Variants in SEC11C observed in about 807,000 individuals in gnomAD.
The protein encoded by SEC11C is SEC11 homolog C, signal peptidase complex subunit.
SEC11C carries 10 observed loss-of-function variants against 21.9 expected under a neutral mutation model. The ratio of observed to expected loss-of-function variants is 0.46; its 90% CI spans 0.28 to 0.77. The LOEUF is 0.77. SEC11C is among the 30% of genes least tolerant of loss of function. The probability of loss-of-function intolerance (pLI) is 0.12; values close to 1 mark genes in which losing one functional copy is unlikely to be tolerated. For missense variants in SEC11C, 145 were observed against 244.5 expected (o/e 0.59, Z 2.71); for synonymous variants, 83 against 85.6 (o/e 0.97, Z 0.17).
intron 1 of SEC11C, 40 bp downstream of exon 1, chr18:59,140,075 G>A (rs375706408): frequency 2.2e-5 from 34 of 1,526,674 alleles, no homozygotes; most frequent in Non-Finnish European, 2.8e-5. Flanking sequence ...GGCCGGGACC[G>A]CCTGTGCTAG....
intron 1 of SEC11C, among the ~76,000 whole-genome samples, chr18:59,142,265 T>A (rs957269404): frequency 2.0e-5 from 3 of 152,216 alleles, no homozygotes; most frequent in African/African-American, 2.4e-5. Context: ...CAAAGGAAGT[T>A]TTTTTGAGGA....
chr18:59,148,529 G>C (rs990273699), intron 1 of SEC11C, among the ~76,000 whole-genome samples: 1 of 152,238 alleles, frequency 6.6e-6, no homozygotes, highest in Non-Finnish European at 1.5e-5. Flanking sequence ...GCAGTGGTCT[G>C]AGGTAGATCG....
intron 2 of SEC11C, among the ~76,000 whole-genome samples, chr18:59,150,050 T>C (rs1351456650): frequency 6.6e-6 from 1 of 152,218 alleles, no homozygotes; most frequent in Non-Finnish European, 1.5e-5. Context: ...TCAGTAATAC[T>C]CGTGTATTGA....
chr18:59,157,116 A>G (rs949182309), intron 4 of SEC11C: 1 of 153,248 alleles, frequency 6.5e-6, no homozygotes, highest in South Asian at 2.0e-4. Context: ...ATCATATTTG[A>G]GTATAAGTTA....
chr18:59,152,828 CT>C (rs1397953961), intron 3 of SEC11C, 143 bp downstream of exon 3: 7 of 626,284 alleles, frequency 1.1e-5, no homozygotes, highest in Non-Finnish European at 1.9e-5. Context: ...ATGCTTAACT[CT>C]TTCTGTAGGA....
intron 2 of SEC11C, among the ~76,000 whole-genome samples, chr18:59,150,432 T>C (rs1372643734): frequency 2.6e-5 from 4 of 152,252 alleles, no homozygotes; most frequent in Admixed American, 6.5e-5. Context: ...CCATGATCCA[T>C]GCCTCACCAG....
intron 2 of SEC11C, among the ~76,000 whole-genome samples, chr18:59,150,929 CAG>C (rs1491442879): frequency 6.6e-6 from 1 of 152,002 alleles, no homozygotes; most frequent in Non-Finnish European, 1.5e-5. Flanking sequence ...CACTTGCACA[CAG>C]AAGGTAGTGT....
intron 2 of SEC11C, 92 bp from the exon 3 acceptor site, chr18:59,152,444 A>T (rs1221292712): frequency 7.3e-7 from 1 of 1,376,566 alleles, no homozygotes; most frequent in Non-Finnish European, 9.7e-7. Context: ...CCTGAGACCT[A>T]CTTGACTATT....
chr18:59,143,777 C>G (rs1019819049), intron 1 of SEC11C, among the ~76,000 whole-genome samples: 1 of 152,160 alleles, frequency 6.6e-6, no homozygotes, highest in Non-Finnish European at 1.5e-5. Context: ...TTTCCTCCCC[C>G]AACCCAACCC....
intron 1 of SEC11C, among the ~76,000 whole-genome samples, chr18:59,145,021 A>G (rs2144027954): frequency 6.6e-6 from 1 of 152,330 alleles, no homozygotes; most frequent in South Asian, 2.1e-4. Flanking sequence ...GGATACAGCT[A>G]TGAGCAAGGC....
chr18:59,146,151 TATG>T lies in SEC11C; in HGVS notation c.88-3357_88-3355del, dbSNP rs1026746128. ...GCAGCCTGATGGGCCCCGTTGGTGA[TATG>T]ATGAGAGTGGCAGCAGTGGGAATAG... On this transcript the variant is annotated intron_variant, in intron 1 of 5. Coordinates refer to ENST00000587834, the MANE Select transcript of SEC11C (RefSeq NM_033280.4). 7.3e-4 allele frequency among the ~76,000 whole-genome samples: 111 copies of T among 152,156 alleles called. 1 individual carries two copies. Among genetic ancestry groups the T allele is most frequent in the African/African-American group, 2.5e-3 (105 of 41,512 alleles).
At chr18:59,150,885 G>C (rs2144036695) in intron 2 of SEC11C, among the ~76,000 whole-genome samples, 1 of 152,210 alleles carries the variant, frequency 6.6e-6, no homozygotes, top group East Asian at 1.9e-4. Flanking sequence ...CATTAGATCT[G>C]AGATTTCCTG....
intron 1 of SEC11C, among the ~76,000 whole-genome samples, chr18:59,143,391 G>A (rs898910857): frequency 2.0e-5 from 3 of 147,330 alleles, no homozygotes; most frequent in Non-Finnish European, 4.5e-5. Context: ...TAACTTTAAT[G>A]TTGAATTATA....
rs779120011 is a variant in SEC11C, at chr18:59,140,008, G to T, written c.60G>T (p.Gly20=). ...HLPASGLDIF[G]DLKKMNKRQL... is the part of the protein sequence containing the mutation. ...CCGCGTCCGGCTTGGATATCTTCGG[G>T]GACCTGAAGAAGATGAACAAGCGCC... Residue 20 remains glycine (G), a synonymous_variant, in exon 1 of 6, where the codon GGG becomes GGT. Coordinates refer to ENST00000587834, the MANE Select transcript of SEC11C (RefSeq NM_033280.4). 6.3e-6 allele frequency: 10 copies of T among 1,591,998 alleles called. No homozygotes were observed. In the South Asian group the frequency reaches 7.9e-5, roughly 13 times the overall value.
At chr18:59,152,196 G>A (rs2069362507) in intron 2 of SEC11C, among the ~76,000 whole-genome samples, 1 of 141,750 alleles carries the variant, frequency 7.1e-6, no homozygotes, top group Non-Finnish European at 1.5e-5. Context: ...CTGTCAGCCT[G>A]CAGTTCTGGA....
intron 5 of SEC11C, among the ~76,000 whole-genome samples, chr18:59,158,227 TGTATTTTTA>T (rs1401978951): frequency 2.0e-5 from 3 of 152,130 alleles, no homozygotes; most frequent in Non-Finnish European, 4.4e-5. Context: ...AGCTCATTTC[TGTATTTTTA>T]GTAGAGACGG....
At chr18:59,152,284 A>G (rs1233157415) in intron 2 of SEC11C, among the ~76,000 whole-genome samples, 1 of 148,914 alleles carries the variant, frequency 6.7e-6, no homozygotes, top group African/African-American at 2.6e-5. Context: ...AGAGTTGACA[A>G]TTATCCTGGT....
At position 59,158,454 on chromosome 18, in the gene SEC11C, G is replaced by T. The variant is rs78359086; in HGVS notation, c.526-178G>T. On this transcript the variant is annotated intron_variant, in intron 5 of 5. Coordinates refer to ENST00000587834, the MANE Select transcript of SEC11C (RefSeq NM_033280.4). ...ATCTTTAGTCCATCAGTATATTTTT[G>T]GGTTTTTGACCATAATGTAGCATTG... is the stretch of plus-strand genomic sequence containing the variant. Among the ~76,000 whole-genome samples the T allele has an allele frequency of 2.5e-4, 38 of 152,248 alleles. No homozygotes were observed. In the East Asian group the frequency reaches 6.0e-3, roughly 24 times the overall value.
intron 1 of SEC11C, among the ~76,000 whole-genome samples, chr18:59,142,531 T>C (rs1396347385): frequency 2.0e-5 from 3 of 151,570 alleles, no homozygotes; most frequent in African/African-American, 2.4e-5. Flanking sequence ...GGTGGGGAGG[T>C]TTTTGAATGT....
Sources: allele counts gnomAD v4.1 joint callset (sites outside exome capture counted in the v4.1 genomes callset), GRCh38; gene constraint gnomAD v4.1.1; transcripts MANE v1.5; gene names NCBI Gene and HGNC (gene_info 2026-07-23, HGNC 2026-07-21).